BRD10: variants seen among roughly 807,000 people sequenced by gnomAD.
The protein encoded by BRD10 is uncharacterized bromodomain-containing protein 10.
chr9:5,916,034 A>G, the BRD10 span, among the ~76,000 whole-genome samples: 1 of 152,202 alleles, frequency 6.6e-6, no homozygotes, highest in Non-Finnish European at 1.5e-5. Context: ...CTTCTAAACT[A>G]TGCTATACCC....
the BRD10 span, chr9:5,924,666 A>G: frequency 6.7e-7 from 1 of 1,501,286 alleles, no homozygotes; most frequent in Non-Finnish European, 8.9e-7. Context: ...ACCTGAATCA[A>G]AGTGATCTTT....
chr9:5,891,275 C>T, the BRD10 span: 2 of 152,190 alleles, frequency 1.3e-5, no homozygotes, highest in African/African-American at 2.4e-5. Flanking sequence ...GCTGTTGCTG[C>T]ACCATTTGCC....
the BRD10 span, among the ~76,000 whole-genome samples, chr9:6,002,128 T>C: frequency 1.3e-5 from 2 of 152,230 alleles, no homozygotes; most frequent in East Asian, 3.8e-4. Context: ...AAACATACTT[T>C]ACCTTTTACT....
At chr9:5,989,134 G>A in the BRD10 span, among the ~76,000 whole-genome samples, 4 of 151,116 alleles carry the variant, frequency 2.6e-5, no homozygotes, top group African/African-American at 9.7e-5. Flanking sequence ...GCAGGCTGAG[G>A]CAGGAGAATC....
At chr9:6,007,540 T>A in the BRD10 span, 1 of 1,612,950 alleles carries the variant, frequency 6.2e-7, no homozygotes, top group African/African-American at 1.3e-5. Context: ...CAGGATGCGG[T>A]AGCCCTGCTG....
chr9:5,946,096 C>T, the BRD10 span, among the ~76,000 whole-genome samples: 366 of 151,940 alleles, frequency 2.4e-3, 2 homozygotes, highest in African/African-American at 8.3e-3. Context: ...TACTGAGTGA[C>T]AAAAATAAGA....
At chr9:5,981,584 A>G in the BRD10 span, among the ~76,000 whole-genome samples, 1 of 152,122 alleles carries the variant, frequency 6.6e-6, no homozygotes, top group Non-Finnish European at 1.5e-5. Flanking sequence ...CATCCAATCT[A>G]TTTATCATCA....
chr9:5,950,772 C>A, the BRD10 span, among the ~76,000 whole-genome samples: 2 of 151,996 alleles, frequency 1.3e-5, no homozygotes. Context: ...TACCAAAATC[C>A]AAGGATGCTT....
the BRD10 span, among the ~76,000 whole-genome samples, chr9:5,960,932 C>G: frequency 7.9e-5 from 12 of 152,034 alleles, no homozygotes; most frequent in South Asian, 2.5e-3. Flanking sequence ...TACTGATACG[C>G]AGGGGAAAAA....
chr9:5,879,210 T>G, the BRD10 span, among the ~76,000 whole-genome samples: 1 of 151,978 alleles, frequency 6.6e-6, no homozygotes, highest in Non-Finnish European at 1.5e-5. Flanking sequence ...CACCTGTAAT[T>G]CCAGCACTTT....
chr9:5,953,925 A>G, the BRD10 span: 1 of 735,496 alleles, frequency 1.4e-6, no homozygotes, highest in Non-Finnish European at 2.4e-6. Context: ...AGTGTGCTAC[A>G]GTTTCTTGGA....
At chr9:5,906,859 C>A in the BRD10 span, 1 of 1,432,446 alleles carries the variant, frequency 7.0e-7, no homozygotes, top group Admixed American at 2.4e-5. Flanking sequence ...TTCTCACCCA[C>A]TCACCTTTAT....
At chr9:5,988,535 C>T in the BRD10 span, 1 of 1,613,200 alleles carries the variant, frequency 6.2e-7, no homozygotes, top group Non-Finnish European at 8.5e-7. Context: ...GTTGTCTTTT[C>T]TCTCAAGTGC....
At chr9:5,930,369 T>TTTTATATATATATATATATATATATA in the BRD10 span, among the ~76,000 whole-genome samples, 908 of 134,762 alleles carry the variant, frequency 6.7e-3, 4 homozygotes, top group South Asian at 0.014. Flanking sequence ...TATAAGGAGA[T>TTTTATATATATATATATATATATATA]TATATATATA....
the BRD10 span, among the ~76,000 whole-genome samples, chr9:5,889,301 G>A: frequency 2.6e-5 from 4 of 152,108 alleles, no homozygotes; most frequent in Non-Finnish European, 4.4e-5. Context: ...CTCATCAACC[G>A]ACTACCACTT....
the BRD10 span, among the ~76,000 whole-genome samples, chr9:5,913,071 GTCTC>G: frequency 6.6e-6 from 1 of 152,112 alleles, no homozygotes; most frequent in African/African-American, 2.4e-5. Context: ...TTCTGATATG[GTCTC>G]TCTGATTGTT....
At chr9:5,894,501 G>A in the BRD10 span, among the ~76,000 whole-genome samples, 1 of 152,124 alleles carries the variant, frequency 6.6e-6, no homozygotes, top group Non-Finnish European at 1.5e-5. This position sits in a 1 kb window ranked among gnomAD's most constrained non-coding sequence, Gnocchi z 4.0. Context: ...ACAGAAATGG[G>A]ACCCAGATCT....
At chr9:5,983,772 T>C in the BRD10 span, among the ~76,000 whole-genome samples, 5 of 151,346 alleles carry the variant, frequency 3.3e-5, no homozygotes, top group East Asian at 3.9e-4. Context: ...ACATGACAAA[T>C]TGATGAAAGC....
chr9:5,887,693 A>T, the BRD10 span, among the ~76,000 whole-genome samples: 1 of 152,218 alleles, frequency 6.6e-6, no homozygotes, highest in African/African-American at 2.4e-5. Flanking sequence ...ATCTATTGAC[A>T]CAAGGGGCTT....
Sources: allele counts gnomAD v4.1 joint callset (sites outside exome capture counted in the v4.1 genomes callset), GRCh38; gene constraint gnomAD v4.1.1; non-coding constraint Gnocchi (gnomAD v3.1); transcripts MANE v1.5; gene names NCBI Gene and HGNC (gene_info 2026-07-23, HGNC 2026-07-21).